AGBL4: variants seen among roughly 807,000 people sequenced by gnomAD.
AGBL4 encodes cytosolic carboxypeptidase 6.
AGBL4 carries 58 observed loss-of-function variants against 66.4 expected under a neutral mutation model. That is an observed-to-expected ratio of 0.87 (90% CI 0.71 to 1.09). The LOEUF (loss-of-function observed/expected upper bound fraction) is 1.09, where lower values mean the gene tolerates loss of function less well. Among genes scored for constraint, AGBL4 ranks in the 50% least tolerant of loss-of-function variants. AGBL4 has a pLI of 0.00. For synonymous variants in AGBL4, 234 were observed against 222.9 expected, an observed-to-expected ratio of 1.05 and a Z score of -0.44; for missense variants, 579 against 631.0, an observed-to-expected ratio of 0.92 and a Z score of 0.88.
chr1:49,372,197 C>T (rs529692939), intron 3 of AGBL4, among the ~76,000 whole-genome samples: 27 of 152,090 alleles, frequency 1.8e-4, no homozygotes, highest in East Asian at 1.6e-3. Context: ...CATCCCAGAA[C>T]GCTCAAGGCT....
intron 5 of AGBL4, among the ~76,000 whole-genome samples, chr1:48,888,785 G>T (rs1015543083): frequency 6.6e-6 from 1 of 152,350 alleles, no homozygotes; most frequent in South Asian, 2.1e-4. Flanking sequence ...GTAGGGAGTT[G>T]TGTATGCTTT....
intron 2 of AGBL4, among the ~76,000 whole-genome samples, chr1:49,787,885 G>T (rs1029382315): frequency 4.6e-5 from 7 of 151,798 alleles, no homozygotes; most frequent in Admixed American, 2.6e-4. Context: ...TGCGGGGAAG[G>T]GGGTGTCAGT....
intron 1 of AGBL4, among the ~76,000 whole-genome samples, chr1:49,935,068 C>A (rs1653809669): frequency 6.6e-6 from 1 of 152,218 alleles, no homozygotes; most frequent in Non-Finnish European, 1.5e-5. Context: ...TCAGGGAGTT[C>A]CCTTTCTGAG....
chr1:49,647,683 C>A (rs1367230875), intron 3 of AGBL4, among the ~76,000 whole-genome samples: 4 of 152,014 alleles, frequency 2.6e-5, no homozygotes, highest in Non-Finnish European at 4.4e-5. Context: ...GGTCTTCTCT[C>A]AGGAGAAACT....
intron 3 of AGBL4, among the ~76,000 whole-genome samples, chr1:49,258,150 A>T (rs1652726399): frequency 6.6e-6 from 1 of 152,186 alleles, no homozygotes; most frequent in Non-Finnish European, 1.5e-5. Context: ...CCAAAAACCC[A>T]TCTGTACATC....
At chr1:49,634,699 A>G (rs1380761606) in intron 3 of AGBL4, among the ~76,000 whole-genome samples, 1 of 152,148 alleles carries the variant, frequency 6.6e-6, no homozygotes, top group African/African-American at 2.4e-5. Flanking sequence ...AAGTGTTCCT[A>G]TTTCTCCACA....
Position 48,534,005 on chromosome 1 carries a change from T to G in AGBL4, c.*168A>C, listed in dbSNP as rs1264056537. ...TGAAGGCTTACAATTGATTTTCCAT[T>G]GGAAAAAGGGAAAATCAGTGATGAA... On this transcript the variant is annotated 3_prime_UTR_variant, in exon 14 of 14. Transcript: ENST00000371839. The G allele has an allele frequency of 1.7e-6, 2 of 1,170,956 alleles. No individual in the cohort carries two copies. Among genetic ancestry groups the G allele is most frequent in the East Asian group, 5.2e-5 (2 of 38,170 alleles). 72.5% of individuals were successfully genotyped at this position (1,170,956 alleles called of 1,614,324 possible).
intron 3 of AGBL4, among the ~76,000 whole-genome samples, chr1:49,589,988 C>T (rs1312751355): frequency 6.6e-6 from 1 of 151,924 alleles, no homozygotes; most frequent in East Asian, 1.9e-4. Flanking sequence ...TCTGTAGGAC[C>T]TAAATACATA....
At chr1:48,536,285 C>T (rs1237323831) in intron 12 of AGBL4, among the ~76,000 whole-genome samples, 3 of 151,956 alleles carry the variant, frequency 2.0e-5, no homozygotes, top group African/African-American at 2.4e-5. Context: ...GCATAGGGCA[C>T]GAGGTGACAG....
At chr1:49,741,967 A>G (rs1477393967) in intron 2 of AGBL4, among the ~76,000 whole-genome samples, 19 of 152,246 alleles carry the variant, frequency 1.2e-4, no homozygotes, top group African/African-American at 7.2e-5. Flanking sequence ...AAAAACTGGA[A>G]GCATTCCCTT....
intron 3 of AGBL4, among the ~76,000 whole-genome samples, chr1:49,515,739 G>A (rs1649745176): frequency 6.6e-6 from 1 of 151,672 alleles, no homozygotes; most frequent in Non-Finnish European, 1.5e-5. Context: ...TCCTCTGTAG[G>A]GACATGGATG....
At chr1:49,974,364 G>A (rs559624658) in intron 1 of AGBL4, among the ~76,000 whole-genome samples, 28 of 152,092 alleles carry the variant, frequency 1.8e-4, no homozygotes, top group Non-Finnish European at 3.2e-4. Flanking sequence ...AAACTTTAAG[G>A]AAATGTTTAG....
chr1:48,583,761 T>C (rs961795261), intron 11 of AGBL4: 2 of 152,062 alleles, frequency 1.3e-5, no homozygotes, highest in Non-Finnish European at 2.9e-5. Flanking sequence ...CATCAGACCA[T>C]GTAATTTCTT....
chr1:48,719,026 C>G (rs1647099322), intron 6 of AGBL4, among the ~76,000 whole-genome samples: 1 of 152,202 alleles, frequency 6.6e-6, no homozygotes, highest in South Asian at 2.1e-4. Flanking sequence ...TCTCAGGATT[C>G]AGACGGTTGT....
chr1:49,004,707 G>A (rs1166799043), intron 5 of AGBL4, among the ~76,000 whole-genome samples: 1 of 152,238 alleles, frequency 6.6e-6, no homozygotes, highest in Non-Finnish European at 1.5e-5. Context: ...AGGCAGGCCT[G>A]AATCTTCCTG....
intron 1 of AGBL4, among the ~76,000 whole-genome samples, chr1:49,898,496 C>T (rs967614420): frequency 2.0e-5 from 3 of 152,112 alleles, no homozygotes; most frequent in African/African-American, 7.2e-5. Context: ...AGAAAAAGAA[C>T]CCTCATATTC....
At chr1:49,745,275 T>C (rs1202998988) in intron 2 of AGBL4, among the ~76,000 whole-genome samples, 1 of 152,076 alleles carries the variant, frequency 6.6e-6, no homozygotes, top group Non-Finnish European at 1.5e-5. Flanking sequence ...CGTTCCATAG[T>C]TTACCTATGG....
At chr1:49,896,729 A>T (rs1571826561) in intron 1 of AGBL4, among the ~76,000 whole-genome samples, 1 of 151,980 alleles carries the variant, frequency 6.6e-6, no homozygotes, top group East Asian at 1.9e-4. Flanking sequence ...ATCCAAACTC[A>T]ATAACACATT....
intron 1 of AGBL4, chr1:49,995,548 G>A: frequency 3.2e-6 from 1 of 312,404 alleles, no homozygotes; most frequent in South Asian, 2.9e-5. Flanking sequence ...TCACCTGAAG[G>A]TCTCTCTCTA....
Sources: allele counts gnomAD v4.1 joint callset (sites outside exome capture counted in the v4.1 genomes callset), GRCh38; gene constraint gnomAD v4.1.1; transcripts MANE v1.5; gene names NCBI Gene and HGNC (gene_info 2026-07-23, HGNC 2026-07-21).